LRRK1: variants seen among roughly 807,000 people sequenced by gnomAD.
LRRK1 encodes the protein leucine-rich repeat serine/threonine-protein kinase 1.
A neutral mutation model predicts 209.1 loss-of-function variants in LRRK1; 113 were observed. The observed-to-expected ratio is 0.54, with a 90% CI of 0.46 to 0.63. The LOEUF is 0.63. Ranked by LOEUF, LRRK1 falls within the 30% of genes least tolerant of loss-of-function variation. LRRK1 has a pLI of 0.00. For synonymous variants in LRRK1, 1,144 were observed against 1,099.7 expected (o/e 1.04, Z -0.80); for missense variants, 2,284 against 2,632.2 (o/e 0.87, Z 2.89).
chr15:100,929,560 G>A (rs2042173015), intron 2 of LRRK1, among the ~76,000 whole-genome samples: 2 of 152,304 alleles, frequency 1.3e-5, no homozygotes, highest in Admixed American at 6.5e-5. Flanking sequence ...ATAGAACTAG[G>A]AAATAGATCA....
chr15:101,044,316 C>T (rs1025912452), intron 20 of LRRK1, among the ~76,000 whole-genome samples: 6 of 152,206 alleles, frequency 3.9e-5, no homozygotes, highest in African/African-American at 7.2e-5. Context: ...AGAAGGGCTG[C>T]GGCCCCTGTC....
chr15:100,974,119 C>T, intron 3 of LRRK1, 152 bp downstream of exon 3: 1 of 582,264 alleles, frequency 1.7e-6, no homozygotes, highest in Non-Finnish European at 2.5e-6. Context: ...CTTGTGGGCG[C>T]CTTTCCTTTC....
At chr15:100,944,375 T>A (rs2042499019) in intron 2 of LRRK1, among the ~76,000 whole-genome samples, 1 of 152,174 alleles carries the variant, frequency 6.6e-6, no homozygotes, top group South Asian at 2.1e-4. Flanking sequence ...AAATGTTAAC[T>A]CTCGCTGCAG....
rs947755918 is a variant in LRRK1 at position 101,040,748 on chromosome 15, C to T, written c.2964-5233C>T. ...TAGTTCGAAAGATTTTCTAATATAT[C>T]TTATATTATTTTGGTCAGAGAATAT... On this transcript the variant is annotated intron_variant, in intron 20 of 33. Transcript: ENST00000388948. Among the ~76,000 whole-genome samples, 4 of 151,988 alleles carry T rather than the reference C, an allele frequency of 2.6e-5. No homozygotes were observed. The South Asian group carries it at 8.3e-4, about 31-fold the overall frequency.
At chr15:100,955,043 A>G (rs2042725956) in intron 2 of LRRK1, among the ~76,000 whole-genome samples, 1 of 152,058 alleles carries the variant, frequency 6.6e-6, no homozygotes, top group South Asian at 2.1e-4. Flanking sequence ...TTTGTGAAAA[A>G]TGCCATTGGA....
At chr15:101,041,515 T>C (rs2034755756) in intron 20 of LRRK1, among the ~76,000 whole-genome samples, 1 of 152,234 alleles carries the variant, frequency 6.6e-6, no homozygotes, top group Non-Finnish European at 1.5e-5. Context: ...TTTTTGGCCA[T>C]TCTTCCTGGT....
chr15:100,989,290 C>G lies in LRRK1; in HGVS notation c.654C>G (p.Ala218=). The G allele has an allele frequency of 6.2e-7, 1 of 1,614,106 alleles. No individual in the cohort carries two copies. The highest frequency in any genetic ancestry group is 8.5e-7 in the Non-Finnish European group (1 of 1,179,974). ...CAATATTCCTGCTTCGGCATGGGGC[C>G]TATTTCTGTTCCTACATCTTGCTGG... ...DIAIFLLRHG[A]YFCSYILLDS... is the part of the protein sequence containing the mutation. Residue 218 remains alanine (A), a synonymous_variant, in exon 6 of 34, where the codon GCC becomes GCG. Transcript: ENST00000388948.
intron 2 of LRRK1, among the ~76,000 whole-genome samples, chr15:100,930,147 TG>T (rs1440140270): frequency 1.3e-5 from 2 of 152,216 alleles, no homozygotes; most frequent in Non-Finnish European, 2.9e-5. Flanking sequence ...GTGGATGCTG[TG>T]GGGCTCTCTT....
chr15:101,012,578 C>G (rs1237190775), intron 10 of LRRK1, among the ~76,000 whole-genome samples: 2 of 152,190 alleles, frequency 1.3e-5, no homozygotes, highest in Non-Finnish European at 1.5e-5. Context: ...TCAGGGCCAA[C>G]CCCAGAAGGG....
chr15:100,980,767 G>A (rs59773862), intron 3 of LRRK1, among the ~76,000 whole-genome samples: 23,869 of 152,116 alleles, frequency 0.16, 2,486 homozygotes, highest in East Asian at 0.45. Context: ...TAGTTAATCT[G>A]TGGTGTTAGA....
At chr15:100,956,526 C>A (rs1490754070) in intron 2 of LRRK1, among the ~76,000 whole-genome samples, 1 of 135,934 alleles carries the variant, frequency 7.4e-6, no homozygotes, top group African/African-American at 2.8e-5. Flanking sequence ...AGTGCAGTGG[C>A]ACGATCTTGG....
At position 100,988,798 on chromosome 15, in the gene LRRK1, G is replaced by A. The variant is rs747840699; in HGVS notation, c.598G>A (p.Ala200Thr). The change falls in exon 5 of 34, where the codon GCG (alanine) becomes ACG (threonine). Residue 200 changes from alanine to threonine, a missense_variant. Around this residue, in one of 6 missense-constraint regions of LRRK1, gnomAD observed 134 missense variants for 191.7 expected, o/e 0.70. Coordinates refer to ENST00000388948, the MANE Select transcript of LRRK1 (RefSeq NM_024652.6). ...TGTCATCGTGCGCTTGCCCCTGTAT[G>A]CGGCCATCAAGTCAGGTGGGTTTCC... Reference protein sequence around the residue: ...FPVIVRLPLYAAIKSGNEDIA... With the variant: ...FPVIVRLPLYTAIKSGNEDIA... The A allele has an allele frequency of 6.2e-7, 1 of 1,603,788 alleles. No individual in the cohort carries two copies.
chr15:101,037,984 C>A (rs1019327921), intron 20 of LRRK1, among the ~76,000 whole-genome samples: 12 of 152,094 alleles, frequency 7.9e-5, no homozygotes, highest in Non-Finnish European at 1.8e-4. Context: ...GTGCATCAAT[C>A]AATAATTGGA....
rs575540003 is a variant in LRRK1 at position 101,024,730 on chromosome 15, G to A, written c.2068-73G>A. 154 of 1,493,642 alleles carry A rather than the reference G, an allele frequency of 1.0e-4. No homozygotes were observed. In the South Asian group the frequency reaches 1.3e-3, roughly 12 times the overall value. The allele number at this position is 1,493,642 out of a possible 1,614,324, so 92.5% of individuals were successfully genotyped here. On this transcript the variant is annotated intron_variant, in intron 15 of 33. Coordinates refer to ENST00000388948, the MANE Select transcript of LRRK1 (RefSeq NM_024652.6). This position sits in a 1 kb window ranked among gnomAD's most constrained non-coding sequence, Gnocchi z 4.6. ...CCGAGTCCAGCCTCCAGAGTTATCC[G>A]TTGTCTCCGTTTGATTGACTGAAGC...
In LRRK1 at chr15:101,027,762, A is replaced by T; in HGVS notation, c.2651A>T (p.Asp884Val). 1 of 1,601,292 alleles carries T rather than the reference A, an allele frequency of 6.2e-7. No homozygotes were observed. The highest frequency in any genetic ancestry group is 1.1e-5 in the South Asian group (1 of 88,790). Reference protein sequence around the residue: ...QLEQLVEQTPDNDIKDYEDLQ... With the variant: ...QLEQLVEQTPVNDIKDYEDLQ... ...GAGCAGCTGGTGGAGCAGACGCCCG[A>T]CAACGACATCAAGGACTACGAGGAC... The change falls in exon 19 of 34, where the codon GAC (aspartate) becomes GTC (valine). Residue 884 changes from aspartate (D) to valine (V), a missense_variant. Transcript: ENST00000388948. The surrounding 1 kb of genome is among the most constrained non-coding windows in gnomAD (Gnocchi z 5.1).
At chr15:101,036,565 C>T (rs141098618) in intron 20 of LRRK1, among the ~76,000 whole-genome samples, 3 of 152,048 alleles carry the variant, frequency 2.0e-5, no homozygotes, top group East Asian at 3.9e-4. Flanking sequence ...TCACTGAGCT[C>T]CTTTAGTATC....
intron 20 of LRRK1, among the ~76,000 whole-genome samples, chr15:101,041,806 C>G (rs780232512): frequency 6.6e-6 from 1 of 152,174 alleles, no homozygotes; most frequent in Non-Finnish European, 1.5e-5. Flanking sequence ...CCTTTATCTA[C>G]ATACCTATGA....
intron 2 of LRRK1, among the ~76,000 whole-genome samples, chr15:100,926,286 G>A (rs568805870): frequency 2.2e-4 from 27 of 121,972 alleles, no homozygotes; most frequent in Non-Finnish European, 3.6e-4. Context: ...GTGATAGAAC[G>A]CAGTCCCCGA....
chr15:101,021,811 T>C, intron 13 of LRRK1, 34 bp from the exon 14 acceptor site: 2 of 1,050,958 alleles, frequency 1.9e-6, no homozygotes, highest in Non-Finnish European at 2.9e-6. Flanking sequence ...TGTGTGTGTG[T>C]GTATTCTCTC....
Sources: allele counts gnomAD v4.1 joint callset (sites outside exome capture counted in the v4.1 genomes callset), GRCh38; gene constraint gnomAD v4.1.1; regional missense constraint gnomAD v4.1.1; non-coding constraint Gnocchi (gnomAD v3.1); transcripts MANE v1.5; gene names NCBI Gene and HGNC (gene_info 2026-07-23, HGNC 2026-07-21).